CFAP61: variants seen among roughly 807,000 people sequenced by gnomAD.
CFAP61 encodes the protein cilia- and flagella-associated protein 61.
Under a neutral mutation model 135.6 loss-of-function variants are expected in CFAP61, and 107 were observed. That is an observed-to-expected ratio of 0.79 (90% confidence interval 0.67 to 0.93). CFAP61 has a LOEUF of 0.93. Among genes scored for constraint, CFAP61 ranks in the 40% least tolerant of loss-of-function variants. The pLI, the probability that CFAP61 is intolerant of heterozygous loss-of-function variation, is 0.00. For missense variants in CFAP61, 1,507 were observed against 1,556.2 expected, an observed-to-expected ratio of 0.97 and a Z score of 0.53; for synonymous variants, 575 against 578.5, an observed-to-expected ratio of 0.99 and a Z score of 0.09.
chr20:20,085,419 T>A (rs1446176154), intron 6 of CFAP61: 2 of 1,362,642 alleles, frequency 1.5e-6, no homozygotes, highest in Non-Finnish European at 2.0e-6. Context: ...CCCCAAGGAA[T>A]GCATTTAGCA....
chr20:20,126,240 C>T (rs538706120), intron 8 of CFAP61, among the ~76,000 whole-genome samples: 6 of 151,816 alleles, frequency 4.0e-5, no homozygotes, highest in African/African-American at 1.2e-4. Context: ...CCATTACATT[C>T]GTAATGTTAT....
intron 20 of CFAP61, among the ~76,000 whole-genome samples, chr20:20,252,652 CA>C (rs1204686397): frequency 1.3e-5 from 2 of 152,026 alleles, no homozygotes; most frequent in Non-Finnish European, 2.9e-5. Flanking sequence ...TCAGGGAAGC[CA>C]AAAGATTAGA....
chr20:20,210,157 CT>C (rs1194383248), intron 17 of CFAP61, among the ~76,000 whole-genome samples: 1 of 152,190 alleles, frequency 6.6e-6, no homozygotes, highest in Non-Finnish European at 1.5e-5. Context: ...TAGAGTCTCC[CT>C]TGTGAGGCAG....
intron 8 of CFAP61, among the ~76,000 whole-genome samples, chr20:20,128,846 C>T (rs1210226431): frequency 2.0e-5 from 3 of 151,580 alleles, no homozygotes; most frequent in Non-Finnish European, 4.4e-5. Context: ...TAAAAGATGA[C>T]AGCTTACCTT....
Position 20,360,188 on chromosome 20 carries a change from G to A in CFAP61, c.3514-22G>A, listed in dbSNP as rs776199231. ...CAGGGTCCAATTAATTTCTGTATCT[G>A]GCCTCTTACTGTGTTTTACAGGAGG... On this transcript the variant is annotated intron_variant, in intron 26 of 26. Coordinates refer to ENST00000245957, the MANE Select transcript of CFAP61 (RefSeq NM_015585.4). 2.5e-6 allele frequency: 4 copies of A among 1,578,620 alleles called. No homozygotes were observed. In the East Asian group the frequency reaches 8.9e-5, roughly 35 times the overall value.
intron 17 of CFAP61, among the ~76,000 whole-genome samples, chr20:20,210,813 T>C (rs1180530850): frequency 6.6e-6 from 1 of 152,220 alleles, no homozygotes; most frequent in African/African-American, 2.4e-5. Context: ...TACATCCCGT[T>C]AATAAATTCT....
intron 25 of CFAP61, among the ~76,000 whole-genome samples, chr20:20,329,378 C>A (rs1368591205): frequency 1.3e-5 from 2 of 152,230 alleles, no homozygotes; most frequent in Non-Finnish European, 2.9e-5. Flanking sequence ...CTGTCCTGTG[C>A]TCCTGCTTCC....
chr20:20,188,946 T>A (rs558774698), intron 14 of CFAP61, among the ~76,000 whole-genome samples: 2 of 152,218 alleles, frequency 1.3e-5, no homozygotes, highest in Non-Finnish European at 2.9e-5. Context: ...GAACTCTACA[T>A]AAATGGAATC....
At chr20:20,209,562 G>A (rs1206834224) in intron 17 of CFAP61, among the ~76,000 whole-genome samples, 1 of 152,118 alleles carries the variant, frequency 6.6e-6, no homozygotes, top group Non-Finnish European at 1.5e-5. Flanking sequence ...AAGTAACCAG[G>A]TGTGCAAAAG....
intron 21 of CFAP61, chr20:20,265,535 G>A (rs566629563): frequency 1.0e-5 from 8 of 778,880 alleles, no homozygotes; most frequent in Non-Finnish European, 1.9e-5. Context: ...CCAGCAGCCA[G>A]TGCATAAAGC....
At chr20:20,172,298 G>A (rs545355601) in intron 13 of CFAP61, 34 of 974,684 alleles carry the variant, frequency 3.5e-5, no homozygotes, top group Non-Finnish European at 3.9e-5. Flanking sequence ...TGTTATGTTT[G>A]ATTTTTTTGT....
chr20:20,263,388 G>A (rs572884146), intron 21 of CFAP61, among the ~76,000 whole-genome samples: 6 of 152,272 alleles, frequency 3.9e-5, no homozygotes, highest in South Asian at 4.1e-4. Flanking sequence ...ATGAATATCC[G>A]AAGAGCAAAG....
intron 17 of CFAP61, among the ~76,000 whole-genome samples, chr20:20,219,088 ATCTC>A (rs374991362): frequency 1.3e-5 from 2 of 152,226 alleles, no homozygotes; most frequent in African/African-American, 4.8e-5. Flanking sequence ...TTTTGCTTAC[ATCTC>A]TCTAAGGAAA....
intron 14 of CFAP61, among the ~76,000 whole-genome samples, chr20:20,189,504 T>C (rs976932918): frequency 6.7e-5 from 10 of 149,176 alleles, no homozygotes; most frequent in Admixed American, 2.0e-4. Flanking sequence ...TATGTACTTA[T>C]GGCATTGGGT....
chr20:20,247,832 A>T (rs943150363), intron 19 of CFAP61, among the ~76,000 whole-genome samples: 6 of 152,020 alleles, frequency 3.9e-5, no homozygotes, highest in African/African-American at 9.7e-5. Flanking sequence ...TTGCTCTTGA[A>T]TGTTACCTTT....
intron 15 of CFAP61, among the ~76,000 whole-genome samples, chr20:20,194,255 T>C (rs564833855): frequency 7.9e-4 from 121 of 152,302 alleles, no homozygotes; most frequent in African/African-American, 2.8e-3. Flanking sequence ...ATTTTACTCA[T>C]CATTTTAGAT....
At chr20:20,263,477 CT>C (rs1311544553) in intron 21 of CFAP61, among the ~76,000 whole-genome samples, 1 of 109,992 alleles carries the variant, frequency 9.1e-6, no homozygotes, top group Non-Finnish European at 2.1e-5. Flanking sequence ...AATATGTCTT[CT>C]TTTGTGAAAC....
intron 9 of CFAP61, among the ~76,000 whole-genome samples, chr20:20,145,884 AT>A (rs748198520): frequency 1.3e-5 from 2 of 152,278 alleles, no homozygotes; most frequent in East Asian, 3.8e-4. Context: ...AGATAAATCA[AT>A]AAAAATTATA....
chr20:20,323,793 T>C (rs1386864198), intron 25 of CFAP61, among the ~76,000 whole-genome samples: 1 of 152,150 alleles, frequency 6.6e-6, no homozygotes, highest in Non-Finnish European at 1.5e-5. Context: ...CAATTGTTAA[T>C]TTTTTTGGTG....
Sources: gnomAD v4.1 joint callset for allele counts (sites outside exome capture counted in the v4.1 genomes callset) on GRCh38, gnomAD v4.1.1 for gene constraint, MANE v1.5 for transcripts, NCBI Gene and HGNC (gene_info 2026-07-23, HGNC 2026-07-21) for gene names.